Variants in MTHFSD observed in about 807,000 individuals in gnomAD.
MTHFSD encodes methenyltetrahydrofolate synthetase domain containing.
In MTHFSD, 37 loss-of-function variants were observed where a neutral mutation model predicts 31.1. The observed-to-expected ratio is 1.19, with a 90% CI of 0.91 to 1.56. The LOEUF (loss-of-function observed/expected upper bound fraction) is 1.56, where lower values mean the gene tolerates loss of function less well. MTHFSD is among the 40% of genes most tolerant of loss of function. The pLI is 0.00. For missense variants in MTHFSD, 664 were observed against 510.1 expected, an observed-to-expected ratio of 1.30 and a Z score of -2.91; for synonymous variants, 221 against 206.9, an observed-to-expected ratio of 1.07 and a Z score of -0.59.
At chr16:86,543,882 G>A (rs1367651856) in intron 5 of MTHFSD, among the ~76,000 whole-genome samples, 1 of 152,124 alleles carries the variant, frequency 6.6e-6, no homozygotes, top group African/African-American at 2.4e-5. Context: ...CCTCCTGTCC[G>A]ATCAGCTGCG....
At chr16:86,552,259 A>G in intron 2 of MTHFSD, 113 bp from the exon 3 acceptor site, 1 of 1,605,596 alleles carries the variant, frequency 6.2e-7, no homozygotes, top group South Asian at 1.1e-5. Context: ...AACGCCTGCA[A>G]GCGTGGGAGT....
At chr16:86,550,788 T>C (rs976153586) in intron 3 of MTHFSD, among the ~76,000 whole-genome samples, 2 of 152,248 alleles carry the variant, frequency 1.3e-5, no homozygotes, top group Non-Finnish European at 2.9e-5. Flanking sequence ...GCTATGCTTC[T>C]GGAAGAGCCT....
At chr16:86,554,897 G>C (rs1973852833) in intron 1 of MTHFSD, 146 bp from the exon 2 acceptor site, 1 of 1,054,408 alleles carries the variant, frequency 9.5e-7, no homozygotes, top group Non-Finnish European at 1.3e-6. Flanking sequence ...CCGACCTCAA[G>C]GGGCCCACGG....
chr16:86,552,379 C>A, intron 2 of MTHFSD: 1 of 1,154,308 alleles, frequency 8.7e-7, no homozygotes, highest in Non-Finnish European at 1.2e-6. Context: ...AGAATCTCAC[C>A]CAGACAGGCA....
intron 7 of MTHFSD, among the ~76,000 whole-genome samples, chr16:86,539,152 T>C (rs1047986764): frequency 6.6e-6 from 1 of 152,176 alleles, no homozygotes; most frequent in African/African-American, 2.4e-5. Context: ...CAACGGCTAC[T>C]TGTGGGGGGT....
rs549765767 is a variant in MTHFSD, at chr16:86,544,166, T to C, written c.443-1953A>G. 2.6e-5 allele frequency among the ~76,000 whole-genome samples: 4 copies of C among 151,498 alleles called. No individual in the cohort carries two copies. In the South Asian group the frequency reaches 8.3e-4, roughly 31 times the overall value. ...ATGTGCTTAAATTATCCTGAAACCG[T>C]CCCCTCCCTGGTCCATGGAAAAATT... On this transcript the variant is annotated intron_variant, in intron 5 of 7. Coordinates refer to ENST00000360900, the MANE Select transcript of MTHFSD (RefSeq NM_001159377.2).
Position 86,532,111 on chromosome 16 carries a change from T to G in MTHFSD, c.1052A>C (p.Asp351Ala). ...GACGGCCTGCTGGGCTGCGGCAGAGTCCGGGTAATGGAGGAAGGCTCTGCG... is the reference window on the plus strand; with the variant it reads ...GACGGCCTGCTGGGCTGCGGCAGAGGCCGGGTAATGGAGGAAGGCTCTGCG... ...PRRRAFLHYP[D>A]SAAAQQAVSC... Residue 351 changes from aspartate (D) to alanine (A), a missense_variant, in exon 8 of 8, where the codon GAC becomes GCC. By Grantham distance (126) the Asp-to-Ala change is moderately radical. Transcript: ENST00000360900. The G allele has an allele frequency of 6.5e-7, 1 of 1,538,286 alleles. No homozygotes were observed. Among genetic ancestry groups the G allele is most frequent in the South Asian group, 1.2e-5 (1 of 81,136 alleles).
intron 2 of MTHFSD, among the ~76,000 whole-genome samples, chr16:86,554,114 T>C (rs1973658077): frequency 6.6e-6 from 1 of 152,064 alleles, no homozygotes; most frequent in African/African-American, 2.4e-5. Flanking sequence ...GCAACAACCC[T>C]CTCCAATCCC....
At chr16:86,549,508 C>A (rs560979815) in intron 3 of MTHFSD, among the ~76,000 whole-genome samples, 1 of 152,258 alleles carries the variant, frequency 6.6e-6, no homozygotes, top group South Asian at 2.1e-4. Context: ...GTGACTGCGG[C>A]CTGCTGCTTT....
chr16:86,548,299 C>T (rs757801301), intron 4 of MTHFSD, among the ~76,000 whole-genome samples, 165 bp downstream of exon 4: 9 of 152,358 alleles, frequency 5.9e-5, no homozygotes, highest in African/African-American at 1.7e-4. Flanking sequence ...AGTTTTCCCA[C>T]GTGGCTCCAT....
chr16:86,538,242 G>A (rs1294639186), intron 7 of MTHFSD, among the ~76,000 whole-genome samples: 1 of 152,166 alleles, frequency 6.6e-6, no homozygotes, highest in African/African-American at 2.4e-5. Flanking sequence ...CCCAGCTCAG[G>A]CCAGCTCTAG....
At position 86,547,111 on chromosome 16, in the gene MTHFSD, C is replaced by T. The variant is rs141993640; in HGVS notation, c.352-462G>A. The T allele has an allele frequency of 1.2e-4, 112 of 936,018 alleles. 1 individual carries two copies. In the African/African-American group the frequency reaches 1.7e-3, roughly 15 times the overall value. The allele number at this position is 936,018 out of a possible 1,614,324, so 58.0% of individuals were successfully genotyped here. On this transcript the variant is annotated intron_variant, in intron 4 of 7. Coordinates refer to ENST00000360900, the MANE Select transcript of MTHFSD (RefSeq NM_001159377.2). Reference sequence around the variant, plus strand: ...CCAGTGTTGGAATTAAATAACAAAACGTATGCATTTAGCACATAAGACATG... The same window carrying T: ...CCAGTGTTGGAATTAAATAACAAAATGTATGCATTTAGCACATAAGACATG...
chr16:86,537,389 G>A (rs1970855977), intron 7 of MTHFSD, among the ~76,000 whole-genome samples: 1 of 152,044 alleles, frequency 6.6e-6, no homozygotes, highest in Non-Finnish European at 1.5e-5. Context: ...TTAAAAAGCT[G>A]TATGCACTTA....
rs1420751281 is a variant in MTHFSD, at chr16:86,546,616, C to A, written c.385G>T (p.Asp129Tyr). The A allele has an allele frequency of 1.9e-6, 3 of 1,613,982 alleles. No homozygotes were observed. The highest frequency in any genetic ancestry group is 2.7e-5 in the African/African-American group (2 of 75,048). Residue 129 changes from aspartate to tyrosine, a missense_variant, in exon 5 of 8, where the codon GAC becomes TAC. Asp to Tyr is a radical substitution (Grantham distance 160). Transcript: ENST00000360900. ...ACTAAATCCACGAGGACTCTGGAGT[C>A]CAAGCCTATGGGGACACTGTAGTTC... The part of the protein sequence containing the change: ...VRNYSVPIGL[D>Y]SRVLVDLVVV...
chr16:86,532,873 C>G (rs558226613), intron 7 of MTHFSD: 1 of 158,202 alleles, frequency 6.3e-6, no homozygotes, highest in Admixed American at 6.5e-5. Context: ...TATAGGGTCA[C>G]AAAAGGCAGC....
chr16:86,543,361 T>G (rs1369177114), intron 5 of MTHFSD, among the ~76,000 whole-genome samples: 2 of 152,110 alleles, frequency 1.3e-5, no homozygotes, highest in Admixed American at 1.3e-4. Context: ...CACCCTTCAG[T>G]TCAGCAACTC....
At position 86,546,578 on chromosome 16, in the gene MTHFSD, G is replaced by A. The variant is rs771660187; in HGVS notation, c.423C>T (p.Ser141=). 20 of 1,613,894 alleles carry A rather than the reference G, an allele frequency of 1.2e-5. 1 individual carries two copies. In the South Asian group the frequency reaches 1.8e-4, roughly 14 times the overall value. ...RVLVDLVVVG[S]VAVSEKGWRI... is the part of the protein sequence containing the mutation. The stretch of plus-strand genomic sequence containing the variant: ...TCTTACCTTTTTCAGAAACGGCGAC[G>A]GATCCCACCACAACTAAATCCACGA... The change falls in exon 5 of 8, where the codon TCC becomes TCT. Residue 141 remains serine, a synonymous_variant. Coordinates refer to ENST00000360900, the MANE Select transcript of MTHFSD (RefSeq NM_001159377.2).
At chr16:86,554,260 G>A (rs1352626960) in intron 2 of MTHFSD, among the ~76,000 whole-genome samples, 3 of 152,212 alleles carry the variant, frequency 2.0e-5, no homozygotes, top group African/African-American at 7.2e-5. Context: ...CAAAGACCGT[G>A]AACCCACCAG....
chr16:86,541,012 G>C lies in MTHFSD; in HGVS notation c.681+685C>G, dbSNP rs16941469. The C allele has an allele frequency of 3.0e-3, 3,495 of 1,172,572 alleles. 80 individuals carry two copies. In the African/African-American group the frequency reaches 0.05, roughly 17 times the overall value. The allele number at this position is 1,172,572 out of a possible 1,614,324, so 72.6% of individuals were successfully genotyped here. ...GAGGGATTCAAACGGTGAATGATTT[G>C]GGATTAAAGAATGGGAGACGTGGAC... On this transcript the variant is annotated intron_variant, in intron 7 of 7. Transcript: ENST00000360900.
Sources: gnomAD v4.1 joint callset for allele counts (sites outside exome capture counted in the v4.1 genomes callset) on GRCh38, gnomAD v4.1.1 for gene constraint, MANE v1.5 for transcripts, NCBI Gene and HGNC (gene_info 2026-07-23, HGNC 2026-07-21) for gene names.